Variants in GFI1B observed in about 807,000 individuals in gnomAD.
GFI1B encodes the protein zinc finger protein Gfi-1b.
In GFI1B, 20 loss-of-function variants were observed where a neutral mutation model predicts 35.3. That is an observed-to-expected ratio of 0.57 (90% CI 0.40 to 0.82). GFI1B has a LOEUF of 0.82. GFI1B is among the 40% of genes least tolerant of loss of function. GFI1B has a pLI of 0.00. For synonymous variants in GFI1B, 178 were observed against 177.6 expected, an observed-to-expected ratio of 1.00 and a Z score of -0.02; for missense variants, 430 against 446.3, an observed-to-expected ratio of 0.96 and a Z score of 0.33.
upstream of GFI1B, among the ~76,000 whole-genome samples, chr9:132,974,098 A>G (rs1848581871): frequency 2.6e-5 from 4 of 152,202 alleles, no homozygotes; most frequent in South Asian, 8.3e-4. Flanking sequence ...AGGCCAACAC[A>G]GAGGGAAGCA....
intron 1 of GFI1B, among the ~76,000 whole-genome samples, chr9:132,966,848 C>G (rs1848458419): frequency 6.6e-6 from 1 of 152,194 alleles, no homozygotes. Context: ...AACATCTCAT[C>G]TGAATCCAAC....
rs765218940 is a variant in GFI1B at position 132,986,824 on chromosome 9, C to T, written c.100+46C>T. 5.1e-6 allele frequency: 6 copies of T among 1,175,250 alleles called. No individual in the cohort carries two copies. In the African/African-American group the frequency reaches 7.5e-5, roughly 15 times the overall value. 72.8% of individuals were successfully genotyped at this position (1,175,250 alleles called of 1,614,324 possible). A position where few individuals can be genotyped will look rare whatever the true frequency, so the allele number is the denominator to read the frequency against. ...GCGCCTGCTGCACCCACGGGGGGCTCTCTGCTCTGCGTGATGAGGGTGCAG... is the reference window on the plus strand; with the variant it reads ...GCGCCTGCTGCACCCACGGGGGGCTTTCTGCTCTGCGTGATGAGGGTGCAG... On this transcript the variant is annotated intron_variant, in intron 2 of 6. Transcript: ENST00000372122.
At chr9:132,988,056 G>A (rs868845753) in intron 3 of GFI1B, 141 bp from the exon 4 acceptor site, 101 of 739,824 alleles carry the variant, frequency 1.4e-4, no homozygotes, top group East Asian at 1.2e-3. Context: ...ACGTTGGTCC[G>A]CCTGGTCTTG....
rs906389252 is a variant in GFI1B at position 132,989,714 on chromosome 9, C to A, written c.649-28C>A. The A allele has an allele frequency of 2.5e-6, 4 of 1,602,058 alleles. No homozygotes were observed. Among genetic ancestry groups the A allele is most frequent in the African/African-American group, 1.3e-5 (1 of 74,662 alleles). On this transcript the variant is annotated intron_variant, in intron 5 of 6. Coordinates refer to ENST00000372122, the MANE Select transcript of GFI1B (RefSeq NM_001377304.1). This position sits in a 1 kb window ranked among gnomAD's most constrained non-coding sequence, Gnocchi z 6.2. ...GGTCCAGTCCTGAGCCTGCACCTGA[C>A]CCCCCGGGGCCTCATTTCCTCCGGC...
At chr9:132,973,798 C>A (rs1219856845), upstream of GFI1B, among the ~76,000 whole-genome samples, 4 of 152,206 alleles carry the variant, frequency 2.6e-5, no homozygotes, top group Non-Finnish European at 5.9e-5. Context: ...TGGCCTTATT[C>A]TGTTTAATGA....
At chr9:132,961,450 A>T (rs1848362711) in intron 1 of GFI1B, among the ~76,000 whole-genome samples, 1 of 151,758 alleles carries the variant, frequency 6.6e-6, no homozygotes, top group South Asian at 2.1e-4. Flanking sequence ...GAAAAAAGGC[A>T]TAAATGGAAA....
Position 132,986,664 on chromosome 9 carries a change from G to C in GFI1B, c.-15G>C, listed in dbSNP as rs1849074282. The C allele has an allele frequency of 6.5e-7, 1 of 1,538,494 alleles. No individual in the cohort carries two copies. The highest frequency in any genetic ancestry group is 1.7e-4 in the Middle Eastern group (1 of 5,904). ...CCCATCCCTCCCCCTTGCAGGTGTGGGGTGCACACTGAAAATGCCACGCTC... is the reference window on the plus strand; with the variant it reads ...CCCATCCCTCCCCCTTGCAGGTGTGCGGTGCACACTGAAAATGCCACGCTC... On this transcript the variant is annotated 5_prime_UTR_variant, in exon 2 of 7. Coordinates refer to ENST00000372122, the MANE Select transcript of GFI1B (RefSeq NM_001377304.1).
intron 1 of GFI1B, among the ~76,000 whole-genome samples, chr9:132,981,860 C>G (rs1848832924): frequency 6.6e-6 from 1 of 152,038 alleles, no homozygotes; most frequent in African/African-American, 2.4e-5. Context: ...TCAAGTGATT[C>G]TCCAGCCTCA....
intron 1 of GFI1B, among the ~76,000 whole-genome samples, chr9:132,985,603 T>C (rs1588435915): frequency 6.6e-6 from 1 of 152,170 alleles, no homozygotes; most frequent in Non-Finnish European, 1.5e-5. Flanking sequence ...CTGGCGGCTG[T>C]GGCTTGCGGC....
At chr9:132,987,094 G>C (rs1849095693) in intron 2 of GFI1B, among the ~76,000 whole-genome samples, 188 bp from the exon 3 acceptor site, 1 of 152,158 alleles carries the variant, frequency 6.6e-6, no homozygotes, top group Non-Finnish European at 1.5e-5. Flanking sequence ...TCTTCCCCGG[G>C]GTCTCCTCCT....
chr9:132,956,064 G>A (rs1425343742), intron 1 of GFI1B, among the ~76,000 whole-genome samples: 1 of 152,186 alleles, frequency 6.6e-6, no homozygotes, highest in Non-Finnish European at 1.5e-5. Flanking sequence ...TTTACTGAAA[G>A]TCCACTTATT....
At chr9:132,946,584 A>G (rs1848108179) in intron 1 of GFI1B, 1 of 152,206 alleles carries the variant, frequency 6.6e-6, no homozygotes, top group African/African-American at 2.4e-5. Flanking sequence ...CCAATCTGCA[A>G]ACTACTTTAC....
intron 1 of GFI1B, among the ~76,000 whole-genome samples, chr9:132,972,153 G>A (rs778010822): frequency 5.9e-5 from 9 of 152,120 alleles, no homozygotes; most frequent in Non-Finnish European, 8.8e-5. Context: ...CAGGAGTAGT[G>A]GCTCATGCCT....
At position 132,989,928 on chromosome 9, in the gene GFI1B, T is replaced by C; in HGVS notation, c.814+21T>C. The C allele has an allele frequency of 1.2e-6, 2 of 1,610,280 alleles. No individual in the cohort carries two copies. The highest frequency in any genetic ancestry group is 1.3e-5 in the African/African-American group (1 of 74,958). The stretch of plus-strand genomic sequence containing the variant: ...CACAGGTGAGTGAGTCTCACCTGCC[T>C]GTGCCCCCTGGGCAGAGCACCCCCA... On this transcript the variant is annotated intron_variant, in intron 6 of 6. Coordinates refer to ENST00000372122, the MANE Select transcript of GFI1B (RefSeq NM_001377304.1). This position sits in a 1 kb window ranked among gnomAD's most constrained non-coding sequence, Gnocchi z 6.2.
At chr9:132,972,966 A>G (rs1848555862) in intron 2 of GFI1B, among the ~76,000 whole-genome samples, 1 of 152,150 alleles carries the variant, frequency 6.6e-6, no homozygotes, top group Non-Finnish European at 1.5e-5. Flanking sequence ...GACGTTTCCT[A>G]CTTGGCCTGC....
chr9:132,991,001 G>A lies in GFI1B; in HGVS notation c.944G>A (p.Arg315His), dbSNP rs761729738. 28 of 1,613,970 alleles carry A rather than the reference G, an allele frequency of 1.7e-5. No individual in the cohort carries two copies. Among genetic ancestry groups the A allele is most frequent in the South Asian group, 6.6e-5 (6 of 91,092 alleles). ...SCELCTKGFQ[R>H]KVDLRRHRES... Reference sequence around the variant, plus strand: ...GAGCTGTGCACCAAAGGCTTCCAGCGCAAGGTGGACCTGCGGCGGCACCGC... The same window carrying A: ...GAGCTGTGCACCAAAGGCTTCCAGCACAAGGTGGACCTGCGGCGGCACCGC... The change falls in exon 7 of 7, where the codon CGC becomes CAC. Residue 315 changes from arginine (R) to histidine (H), a missense_variant. Transcript: ENST00000372122.
intron 1 of GFI1B, chr9:132,951,293 C>A (rs1251906844): frequency 6.6e-6 from 1 of 152,268 alleles, no homozygotes; most frequent in Non-Finnish European, 1.5e-5. Context: ...TGGATCTACA[C>A]CCCATTTGCA....
At chr9:132,954,249 CACCCAGATAATATTTGCATTTTTT>C (rs1848247225) in intron 1 of GFI1B, among the ~76,000 whole-genome samples, 1 of 152,042 alleles carries the variant, frequency 6.6e-6, no homozygotes, top group African/African-American at 2.4e-5. Flanking sequence ...TGCACCACCA[CACCCAGATAATATTTGCATTTTTT>C]GTAGAAACAA....
intron 1 of GFI1B, among the ~76,000 whole-genome samples, chr9:132,957,147 G>C (rs149218068): frequency 5.8e-4 from 89 of 152,348 alleles, no homozygotes; most frequent in Non-Finnish European, 9.4e-4. Context: ...CACCCAATGA[G>C]AGGGGACCAC....
Sources: gnomAD v4.1 joint callset for allele counts (sites outside exome capture counted in the v4.1 genomes callset) on GRCh38, gnomAD v4.1.1 for gene constraint, Gnocchi (gnomAD v3.1) non-coding constraint, MANE v1.5 for transcripts, NCBI Gene and HGNC (gene_info 2026-07-23, HGNC 2026-07-21) for gene names.